The following CDH13 variants were observed in gnomAD, a reference collection of about 807,000 sequenced individuals.
CDH13 encodes cadherin-13.
CDH13 carries 24 observed loss-of-function variants against 63.8 expected under a neutral mutation model. The observed-to-expected ratio is 0.38, with a 90% CI of 0.27 to 0.53. The LOEUF (loss-of-function observed/expected upper bound fraction) is 0.53. Ranked by LOEUF, CDH13 falls within the 20% of genes least tolerant of loss-of-function variation. The probability of loss-of-function intolerance (pLI) is 0.85; values close to 1 mark genes in which losing one functional copy is unlikely to be tolerated. For synonymous variants in CDH13, 503 were observed against 355.3 expected, an observed-to-expected ratio of 1.42 and a Z score of -4.67; for missense variants, 1,049 against 903.1, an observed-to-expected ratio of 1.16 and a Z score of -2.07.
At chr16:83,557,342 A>G (rs898686307) in intron 7 of CDH13, among the ~76,000 whole-genome samples, 2 of 152,208 alleles carry the variant, frequency 1.3e-5, no homozygotes, top group Admixed American at 6.5e-5. Context: ...TAATAGAAAT[A>G]AAGTGCACAA....
At chr16:83,048,364 G>A (rs1917988298) in intron 3 of CDH13, among the ~76,000 whole-genome samples, 1 of 152,176 alleles carries the variant, frequency 6.6e-6, no homozygotes, top group South Asian at 2.1e-4. Context: ...AACACAGGAT[G>A]GGGGTGATAC....
At chr16:83,558,697 A>T (rs2075647304) in intron 7 of CDH13, among the ~76,000 whole-genome samples, 1 of 152,130 alleles carries the variant, frequency 6.6e-6, no homozygotes, top group African/African-American at 2.4e-5. Flanking sequence ...CAATTAATTT[A>T]GTTGACATCA....
intron 3 of CDH13, among the ~76,000 whole-genome samples, chr16:83,035,892 C>T (rs1257229821): frequency 6.6e-6 from 1 of 152,172 alleles, no homozygotes; most frequent in Non-Finnish European, 1.5e-5. Context: ...GCTGATGCTA[C>T]AGCAATGACC....
intron 4 of CDH13, among the ~76,000 whole-genome samples, chr16:83,197,271 GTATATATA>G (rs71148817): frequency 6.8e-6 from 1 of 147,940 alleles, no homozygotes; most frequent in Non-Finnish European, 1.5e-5. Context: ...TGTATCATAG[GTATATATA>G]TATATATATA....
At chr16:83,612,702 C>T (rs1455304951) in intron 8 of CDH13, among the ~76,000 whole-genome samples, 3 of 151,862 alleles carry the variant, frequency 2.0e-5, no homozygotes, top group African/African-American at 7.2e-5. Flanking sequence ...GTAGTGGGTT[C>T]TGAGAAATTG....
chr16:82,999,565 T>C (rs934378552), intron 2 of CDH13, among the ~76,000 whole-genome samples: 5 of 152,226 alleles, frequency 3.3e-5, no homozygotes, highest in Non-Finnish European at 7.3e-5. Flanking sequence ...TTTTTTCTTA[T>C]CTTATGGTCA....
At chr16:82,937,159 G>A (rs772271206) in intron 2 of CDH13, among the ~76,000 whole-genome samples, 8 of 152,100 alleles carry the variant, frequency 5.3e-5, no homozygotes, top group Non-Finnish European at 1.2e-4. Context: ...TGATAGGGTG[G>A]TCACGCTACT....
chr16:83,541,811 T>C (rs2075300228), intron 7 of CDH13, among the ~76,000 whole-genome samples: 1 of 152,234 alleles, frequency 6.6e-6, no homozygotes, highest in African/African-American at 2.4e-5. Context: ...ATCAGGTTTC[T>C]TCATGGGTAA....
chr16:83,146,406 C>T (rs754424295), intron 4 of CDH13, among the ~76,000 whole-genome samples: 22 of 152,132 alleles, frequency 1.4e-4, no homozygotes, highest in Admixed American at 2.6e-4. Context: ...CAAAAGTTTA[C>T]CAGTGCAGCC....
chr16:83,536,698 G>T (rs968354819), intron 7 of CDH13, among the ~76,000 whole-genome samples: 4 of 152,190 alleles, frequency 2.6e-5, no homozygotes, highest in African/African-American at 9.6e-5. Context: ...AGGGGAGATG[G>T]AGAAGGAGAT....
intron 1 of CDH13, among the ~76,000 whole-genome samples, chr16:82,748,061 G>C (rs9933048): frequency 0.13 from 20,252 of 152,066 alleles, 1,453 homozygotes; most frequent in African/African-American, 0.15. Flanking sequence ...GCCTTCCGTG[G>C]GTCCAGAACT....
intron 1 of CDH13, among the ~76,000 whole-genome samples, chr16:82,852,512 C>T (rs535237927): frequency 2.6e-5 from 4 of 152,160 alleles, no homozygotes; most frequent in Non-Finnish European, 5.9e-5. Flanking sequence ...GTCTAGAAGA[C>T]GTGAGAATCC....
chr16:82,668,638 C>A (rs1339036622), intron 1 of CDH13, among the ~76,000 whole-genome samples: 1 of 152,118 alleles, frequency 6.6e-6, no homozygotes, highest in East Asian at 1.9e-4. Flanking sequence ...ATTCAGCATT[C>A]CTTGGGGTAA....
chr16:83,008,900 A>G (rs1913829264), intron 2 of CDH13, among the ~76,000 whole-genome samples: 1 of 152,212 alleles, frequency 6.6e-6, no homozygotes, highest in Admixed American at 6.5e-5. Context: ...CAGGAAAGGT[A>G]GAATTATGGT....
intron 5 of CDH13, among the ~76,000 whole-genome samples, chr16:83,251,806 C>T (rs2151825753): frequency 6.6e-6 from 1 of 152,208 alleles, no homozygotes; most frequent in Middle Eastern, 3.4e-3. Flanking sequence ...AATCAGGGTA[C>T]CCTGCAAAGT....
At chr16:83,326,358 A>G (rs1190370126) in intron 5 of CDH13, among the ~76,000 whole-genome samples, 2 of 151,556 alleles carry the variant, frequency 1.3e-5, no homozygotes, top group Non-Finnish European at 2.9e-5. Context: ...ATAAATCATT[A>G]GTATCTCAAG....
In CDH13 at chr16:83,311,341, T is replaced by G. The variant is rs191974459; in HGVS notation, c.637-33521T>G. On this transcript the variant is annotated intron_variant, in intron 5 of 13. Coordinates refer to ENST00000567109, the MANE Select transcript of CDH13 (RefSeq NM_001257.5). ...AAGGAGATTGTTAAAAAAAAAAAAT[T>G]AAAAAGTAAAAGTCGTTATATTTTT... 2.5e-3 allele frequency among the ~76,000 whole-genome samples: 376 copies of G among 151,976 alleles called. 1 individual carries two copies. Among genetic ancestry groups the G allele is most frequent in the Middle Eastern group, 0.01 (3 of 294 alleles).
intron 1 of CDH13, among the ~76,000 whole-genome samples, chr16:82,753,846 T>C (rs1161507807): frequency 6.6e-6 from 1 of 152,212 alleles, no homozygotes; most frequent in Non-Finnish European, 1.5e-5. Context: ...GGTCCAGTCC[T>C]GGGCACCCCA....
chr16:83,426,238 G>A (rs1224100061), intron 6 of CDH13, among the ~76,000 whole-genome samples: 2 of 151,980 alleles, frequency 1.3e-5, no homozygotes, highest in Non-Finnish European at 2.9e-5. Flanking sequence ...AGATTCTAGG[G>A]CTCTGGATTC....
Sources: allele counts gnomAD v4.1 joint callset (sites outside exome capture counted in the v4.1 genomes callset), GRCh38; gene constraint gnomAD v4.1.1; transcripts MANE v1.5; gene names NCBI Gene and HGNC (gene_info 2026-07-23, HGNC 2026-07-21).